MALRD1: variants seen among roughly 807,000 people sequenced by gnomAD.
MALRD1 encodes MAM and LDL-receptor class A domain-containing protein 1.
A neutral mutation model predicts 242.1 loss-of-function variants in MALRD1; 247 were observed. That is an observed-to-expected ratio of 1.02 (90% confidence interval 0.92 to 1.13). The LOEUF (loss-of-function observed/expected upper bound fraction) is 1.13. Among genes scored for constraint, MALRD1 ranks in the 50% most tolerant of loss-of-function variants. The pLI, the probability that MALRD1 is intolerant of heterozygous loss-of-function variation, is 0.00. For synonymous variants in MALRD1, 995 were observed against 866.6 expected, an observed-to-expected ratio of 1.15 and a Z score of -2.60; for missense variants, 2,989 against 2,533.1, an observed-to-expected ratio of 1.18 and a Z score of -3.86.
Position 19,257,686 on chromosome 10 carries a change from A to G in MALRD1, c.2994A>G (p.Ile998Met), listed in dbSNP as rs768273427. Residue 998 changes from isoleucine to methionine, a missense_variant and splice_region_variant, in exon 19 of 40, where the codon ATA (isoleucine) becomes ATG (methionine). Physicochemically the swap from Ile to Met is conservative, Grantham distance 10. Transcript: ENST00000454679. ...LNISSRQPFQ[I>M]LVEASVGDGF... is the part of the protein sequence containing the mutation. ...TATTTTTTATTTTATTTTTTTAGAT[A>G]TTGGTGGAGGCTTCAGTGGGAGATG... is the stretch of plus-strand genomic sequence containing the variant. 1 of 1,528,286 alleles carries G rather than the reference A, an allele frequency of 6.5e-7. No homozygotes were observed. The allele number at this position is 1,528,286 out of a possible 1,614,324, so 94.7% of individuals were successfully genotyped here.
rs546822076 is a variant in MALRD1 at position 19,504,052 on chromosome 10, A to G, written c.5320+5406A>G. On this transcript the variant is annotated intron_variant, in intron 31 of 39. Coordinates refer to ENST00000454679, the MANE Select transcript of MALRD1 (RefSeq NM_001142308.3). ...AATCTTAGCAAGCTAATGCTCTCCTATGTATAATAGCAATTTAAGACATAT... is the reference window on the plus strand; with the variant it reads ...AATCTTAGCAAGCTAATGCTCTCCTGTGTATAATAGCAATTTAAGACATAT... 5.9e-5 allele frequency among the ~76,000 whole-genome samples: 9 copies of G among 152,308 alleles called. No homozygotes were observed. In the East Asian group the frequency reaches 1.5e-3, roughly 26 times the overall value.
At chr10:19,496,199 C>T (rs2131237441) in intron 30 of MALRD1, among the ~76,000 whole-genome samples, 1 of 152,244 alleles carries the variant, frequency 6.6e-6, no homozygotes, top group South Asian at 2.1e-4. Flanking sequence ...AGGACCTGAA[C>T]TCAACACTTG....
intron 21 of MALRD1, among the ~76,000 whole-genome samples, chr10:19,302,919 G>A (rs1192121494): frequency 6.6e-6 from 1 of 151,528 alleles, no homozygotes; most frequent in East Asian, 1.9e-4. Context: ...AAATAGAAAA[G>A]TAAAGCAAAA....
chr10:19,081,059 A>G (rs905715749), intron 2 of MALRD1, among the ~76,000 whole-genome samples: 1 of 152,134 alleles, frequency 6.6e-6, no homozygotes, highest in Admixed American at 6.6e-5. Context: ...CAAAACCACA[A>G]TGAGATTACC....
intron 26 of MALRD1, among the ~76,000 whole-genome samples, chr10:19,365,463 A>C (rs1402840144): frequency 6.6e-6 from 1 of 152,078 alleles, no homozygotes; most frequent in Admixed American, 6.6e-5. Flanking sequence ...TTTTGTGATC[A>C]AGAAATCAGC....
chr10:19,282,179 T>C (rs1022526725), intron 20 of MALRD1, among the ~76,000 whole-genome samples: 5 of 152,190 alleles, frequency 3.3e-5, no homozygotes, highest in Non-Finnish European at 7.3e-5. Context: ...CAGAGATATA[T>C]TGGATCCTAA....
chr10:19,472,998 C>CAAT (rs1324760541), intron 29 of MALRD1, among the ~76,000 whole-genome samples: 1 of 150,832 alleles, frequency 6.6e-6, no homozygotes, highest in Non-Finnish European at 1.5e-5. Flanking sequence ...ATATCCTAGA[C>CAAT]AATAATATTT....
intron 18 of MALRD1, among the ~76,000 whole-genome samples, chr10:19,212,045 G>T (rs1837094965): frequency 6.6e-6 from 1 of 152,110 alleles, no homozygotes; most frequent in African/African-American, 2.4e-5. Context: ...GTGTGCCTTG[G>T]TCAGTAAAGG....
intron 26 of MALRD1, among the ~76,000 whole-genome samples, chr10:19,352,889 G>A (rs376414282): frequency 2.0e-5 from 3 of 152,178 alleles, no homozygotes; most frequent in East Asian, 1.9e-4. Context: ...GAATTAGCAA[G>A]CACCATTAAC....
chr10:19,615,515 T>TGAAAAAAAAAAAAAA (rs1839105501), intron 35 of MALRD1, among the ~76,000 whole-genome samples: 1 of 14,238 alleles, frequency 7.0e-5, no homozygotes, highest in South Asian at 2.5e-3. Context: ...AGACCCTGCC[T>TGAAAAAAAAAAAAAA]CAAAAAAAAA....
chr10:19,597,595 A>G (rs959517342), intron 34 of MALRD1, among the ~76,000 whole-genome samples: 3 of 152,206 alleles, frequency 2.0e-5, no homozygotes, highest in Non-Finnish European at 4.4e-5. Context: ...TCATTTATTC[A>G]CAAACCTCAT....
At chr10:19,596,223 G>A (rs749985022) in intron 34 of MALRD1, among the ~76,000 whole-genome samples, 95 of 152,232 alleles carry the variant, frequency 6.2e-4, no homozygotes, top group Non-Finnish European at 1.1e-3. Context: ...ACATCTTAAA[G>A]TGAGTACATA....
At chr10:19,515,047 C>A (rs147701626) in intron 31 of MALRD1, among the ~76,000 whole-genome samples, 425 of 151,004 alleles carry the variant, frequency 2.8e-3, no homozygotes, top group Non-Finnish European at 5.1e-3. Context: ...TTTCTTTTTC[C>A]CATTTTGAAA....
chr10:19,238,343 TATACATAATATATAATACATA>T (rs1396625461), intron 18 of MALRD1, among the ~76,000 whole-genome samples: 7 of 72,790 alleles, frequency 9.6e-5, no homozygotes, highest in African/African-American at 4.1e-4. Flanking sequence ...CATAATATAT[TATACATAATATATAATACATA>T]ATATATATTA....
intron 28 of MALRD1, among the ~76,000 whole-genome samples, chr10:19,422,749 A>G (rs376932254): frequency 4.0e-5 from 6 of 151,864 alleles, no homozygotes; most frequent in African/African-American, 1.5e-4. Context: ...CTGAGTTTTC[A>G]TTTCCCCCTC....
At chr10:19,086,891 G>A (rs1424965923) in intron 2 of MALRD1, among the ~76,000 whole-genome samples, 1 of 151,952 alleles carries the variant, frequency 6.6e-6, no homozygotes, top group Non-Finnish European at 1.5e-5. Flanking sequence ...AGAGTTTTGT[G>A]TCTGTTCCCA....
At chr10:19,291,549 GAAA>G (rs1180768326) in intron 21 of MALRD1, 1 of 149,338 alleles carries the variant, frequency 6.7e-6, no homozygotes, top group Non-Finnish European at 1.5e-5. Context: ...TCTCTAAAAA[GAAA>G]AAAAAATTCA....
intron 21 of MALRD1, among the ~76,000 whole-genome samples, chr10:19,293,271 T>TAA (rs200236263): frequency 0.11 from 16,039 of 152,182 alleles, 953 homozygotes; most frequent in East Asian, 0.18. Context: ...CAACTGTAGT[T>TAA]ATATATACAT....
chr10:19,490,007 T>C (rs1837411727), intron 29 of MALRD1, among the ~76,000 whole-genome samples: 1 of 152,160 alleles, frequency 6.6e-6, no homozygotes, highest in Non-Finnish European at 1.5e-5. Flanking sequence ...TAACAGCTTA[T>C]CAACATGTGA....
Sources: gnomAD v4.1 joint callset for allele counts (sites outside exome capture counted in the v4.1 genomes callset) on GRCh38, gnomAD v4.1.1 for gene constraint, MANE v1.5 for transcripts, NCBI Gene and HGNC (gene_info 2026-07-23, HGNC 2026-07-21) for gene names.